TPRKB: variants seen among roughly 807,000 people sequenced by gnomAD.
TPRKB encodes TP53RK binding protein.
In TPRKB, 11 loss-of-function variants were observed where a neutral mutation model predicts 17.8. That is an observed-to-expected ratio of 0.62 (90% confidence interval 0.39 to 1.02). The LOEUF (loss-of-function observed/expected upper bound fraction) is 1.02. Ranked by LOEUF, TPRKB falls within the 50% of genes least tolerant of loss-of-function variation. TPRKB has a pLI of 0.00. For synonymous variants in TPRKB, 71 were observed against 69.5 expected (o/e 1.02, Z -0.11); for missense variants, 228 against 198.0 (o/e 1.15, Z -0.91).
intron 1 of TPRKB, among the ~76,000 whole-genome samples, chr2:73,735,747 A>C (rs1490371150): frequency 2.0e-5 from 3 of 152,230 alleles, no homozygotes; most frequent in African/African-American, 7.2e-5. Context: ...AATTTCTATC[A>C]AATTCTTAAT....
In TPRKB at chr2:73,730,613, G is replaced by C; in HGVS notation, c.388C>G (p.Gln130Glu). ...EYLISQVEGH[Q>E]VSLKNLPEIM... is the part of the protein sequence containing the mutation. ...TCAGGAAGATTTTTCAGAGAAACCTGATGACCTTCTACTTGAGATATTAGG... is the reference window on the plus strand; with the variant it reads ...TCAGGAAGATTTTTCAGAGAAACCTCATGACCTTCTACTTGAGATATTAGG... The change falls in exon 4 of 5, where the codon CAG becomes GAG. Residue 130 changes from glutamine (Q) to glutamate (E), a missense_variant. Coordinates refer to ENST00000272424, the MANE Select transcript of TPRKB (RefSeq NM_016058.5). 5.0e-6 allele frequency: 8 copies of C among 1,593,438 alleles called. No homozygotes were observed. Among genetic ancestry groups the C allele is most frequent in the Non-Finnish European group, 6.8e-6 (8 of 1,173,324 alleles).
At chr2:73,735,655 TAAA>T (rs1218457173) in intron 1 of TPRKB, among the ~76,000 whole-genome samples, 1 of 152,108 alleles carries the variant, frequency 6.6e-6, no homozygotes, top group African/African-American at 2.4e-5. Flanking sequence ...AAAAGAAACA[TAAA>T]AGACAACTTG....
intron 3 of TPRKB, 174 bp from the exon 4 acceptor site, chr2:73,730,910 T>C: frequency 6.1e-6 from 3 of 489,330 alleles, no homozygotes; most frequent in South Asian, 6.5e-5. Context: ...CCATTGGCAC[T>C]TCCTCAAAAG....
intron 1 of TPRKB, among the ~76,000 whole-genome samples, chr2:73,735,570 T>C (rs1671842142): frequency 6.6e-6 from 1 of 152,222 alleles, no homozygotes; most frequent in South Asian, 2.1e-4. Flanking sequence ...GGTACAATTA[T>C]TAAATAATCA....
intron 2 of TPRKB, chr2:73,732,514 C>T: frequency 2.2e-6 from 1 of 461,620 alleles, no homozygotes; most frequent in Non-Finnish European, 3.9e-6. Flanking sequence ...GGTTCAAGAC[C>T]AGCCTGGCCA....
intron 1 of TPRKB, among the ~76,000 whole-genome samples, chr2:73,736,441 AG>A (rs1202481900): frequency 1.3e-5 from 2 of 152,216 alleles, no homozygotes; most frequent in African/African-American, 4.8e-5. Flanking sequence ...ATAATAAGAA[AG>A]GAAAAAAACG....
chr2:73,735,455 G>T (rs1412189383), intron 1 of TPRKB, among the ~76,000 whole-genome samples: 1 of 152,088 alleles, frequency 6.6e-6, no homozygotes, highest in African/African-American at 2.4e-5. Flanking sequence ...CCTGCACGTT[G>T]TGCACATGTA....
intron 3 of TPRKB, 86 bp downstream of exon 3, chr2:73,732,076 CT>C: frequency 2.8e-6 from 4 of 1,442,354 alleles, no homozygotes; most frequent in Non-Finnish European, 2.8e-6. Flanking sequence ...TAACCACTGG[CT>C]TGCAGGAATT....
chr2:73,730,586 T>C lies in TPRKB; in HGVS notation c.415A>G (p.Ile139Val), dbSNP rs1391106459. ...TTTTTGACTTCTGTAATATTCATTA[T>C]TTCAGGAAGATTTTTCAGAGAAACC... ...HQVSLKNLPE[I>V]MNITEVKKIY... The change falls in exon 4 of 5, where the codon ATA becomes GTA. Residue 139 changes from isoleucine (I) to valine (V), a missense_variant. Coordinates refer to ENST00000272424, the MANE Select transcript of TPRKB (RefSeq NM_016058.5). 4 of 1,591,858 alleles carry C rather than the reference T, an allele frequency of 2.5e-6. No individual in the cohort carries two copies. Among genetic ancestry groups the C allele is most frequent in the African/African-American group, 1.4e-5 (1 of 73,508 alleles).
At chr2:73,733,137 G>A (rs1404542888) in intron 2 of TPRKB, among the ~76,000 whole-genome samples, 2 of 152,090 alleles carry the variant, frequency 1.3e-5, no homozygotes, top group African/African-American at 4.8e-5. Flanking sequence ...TTGGAACAAT[G>A]CTAGGAATGC....
At chr2:73,734,715 C>T (rs185773423) in intron 1 of TPRKB, 124 bp from the exon 2 acceptor site, 618 of 867,140 alleles carry the variant, frequency 7.1e-4, no homozygotes, top group Middle Eastern at 1.4e-3. Context: ...AAAAATCCAT[C>T]GCCAAAGCCC....
chr2:73,731,943 A>C (rs1163135522), intron 3 of TPRKB: 2 of 440,222 alleles, frequency 4.5e-6, no homozygotes, highest in African/African-American at 4.0e-5. Context: ...GAACAGATAA[A>C]ATTAACCTCG....
rs767828616 is a variant in TPRKB, at chr2:73,734,503, C to T, written c.67G>A (p.Val23Ile). The change falls in exon 2 of 5, where the codon GTA becomes ATA. Residue 23 changes from valine (V) to isoleucine (I), a missense_variant. Val to Ile is a conservative substitution (Grantham distance 29). Transcript: ENST00000272424. The stretch of plus-strand genomic sequence containing the variant: ...CTTCTCAAGTCTCCCGCATTTTTTA[C>T]ATCTTTAAATAACAGAAGGGTTACC... Reference protein sequence around the residue: ...CRVTLLLFKDVKNAGDLRRKA... With the variant: ...CRVTLLLFKDIKNAGDLRRKA... 1.9e-6 allele frequency: 3 copies of T among 1,614,080 alleles called. No homozygotes were observed. Among genetic ancestry groups the T allele is most frequent in the South Asian group, 1.1e-5 (1 of 91,076 alleles).
intron 1 of TPRKB, among the ~76,000 whole-genome samples, chr2:73,735,560 G>A (rs762798973): frequency 6.6e-6 from 1 of 151,878 alleles, no homozygotes; most frequent in African/African-American, 2.4e-5. Context: ...AAGCAGAGAG[G>A]GTACAATTAT....
rs534892024 is a variant in TPRKB at position 73,730,369 on chromosome 2, T to A, written c.441+191A>T. ...GTGGAGAATGGTTATGTCAGCTGAG[T>A]TTGTAATTATATTTTACATAAACCA... On this transcript the variant is annotated intron_variant, in intron 4 of 4. Transcript: ENST00000272424. 1.4e-5 allele frequency: 7 copies of A among 482,972 alleles called. No individual in the cohort carries two copies. The East Asian group carries it at 1.5e-4, about 10-fold the overall frequency. The allele number at this position is 482,972 out of a possible 1,614,324, so 29.9% of individuals were successfully genotyped here.
At chr2:73,734,834 G>A (rs1671806510) in intron 1 of TPRKB, among the ~76,000 whole-genome samples, 1 of 152,220 alleles carries the variant, frequency 6.6e-6, no homozygotes, top group Admixed American at 6.5e-5. Flanking sequence ...TTCAGATGAG[G>A]CAGGCTCAGG....
At chr2:73,732,918 CTAT>C (rs886126000) in intron 2 of TPRKB, among the ~76,000 whole-genome samples, 11 of 152,144 alleles carry the variant, frequency 7.2e-5, no homozygotes, top group South Asian at 2.1e-4. Flanking sequence ...GAAATTGACA[CTAT>C]TATTAGTAGT....
Position 73,730,449 on chromosome 2 carries a change from T to C in TPRKB, c.441+111A>G, listed in dbSNP as rs1573138288. The stretch of plus-strand genomic sequence containing the variant: ...TTTTTAAGTAATTTTTAAAATTAGA[T>C]TAACTTTCTCAAAAGTTCAAAAAAC... On this transcript the variant is annotated intron_variant, in intron 4 of 4. Transcript: ENST00000272424. The C allele has an allele frequency of 7.0e-6, 5 of 711,846 alleles. No individual in the cohort carries two copies. In the East Asian group the frequency reaches 1.6e-4, roughly 23 times the overall value. 44.1% of individuals were successfully genotyped at this position (711,846 alleles called of 1,614,324 possible).
intron 2 of TPRKB, among the ~76,000 whole-genome samples, chr2:73,734,227 T>C (rs887761903): frequency 5.3e-5 from 8 of 151,426 alleles, no homozygotes; most frequent in Admixed American, 1.3e-4. Flanking sequence ...GCCTCCCGAG[T>C]AGCTGGGATT....
Sources: allele counts gnomAD v4.1 joint callset (sites outside exome capture counted in the v4.1 genomes callset), GRCh38; gene constraint gnomAD v4.1.1; transcripts MANE v1.5; gene names NCBI Gene and HGNC (gene_info 2026-07-23, HGNC 2026-07-21).